LUZP2: variants seen among roughly 807,000 people sequenced by gnomAD.
LUZP2 encodes leucine zipper protein 2.
A neutral mutation model predicts 51.6 loss-of-function variants in LUZP2; 52 were observed. That is an observed-to-expected ratio of 1.01 (90% CI 0.81 to 1.27). The LOEUF is 1.27. Ranked by LOEUF, LUZP2 falls within the 50% of genes most tolerant of loss-of-function variation. LUZP2 has a pLI of 0.00. For synonymous variants in LUZP2, 154 were observed against 137.3 expected, an observed-to-expected ratio of 1.12 and a Z score of -0.85; for missense variants, 436 against 395.4, an observed-to-expected ratio of 1.10 and a Z score of -0.87.
chr11:24,889,597 T>C lies in LUZP2; in HGVS notation c.397-16394T>C, dbSNP rs528227531. On this transcript the variant is annotated intron_variant, in intron 5 of 11. Coordinates refer to ENST00000336930, the MANE Select transcript of LUZP2 (RefSeq NM_001009909.4). ...TTTTCAGTGTCCTGTGCCACCATGT[T>C]TTTGAAGCATATACCATCTGAGAAG... Among the ~76,000 whole-genome samples the C allele has an allele frequency of 9.8e-5, 15 of 152,326 alleles. No individual in the cohort carries two copies. The East Asian group carries it at 2.7e-3, about 27-fold the overall frequency.
intron 5 of LUZP2, among the ~76,000 whole-genome samples, chr11:24,838,982 A>G (rs535591085): frequency 6.6e-6 from 1 of 151,776 alleles, no homozygotes; most frequent in South Asian, 2.1e-4. Context: ...AACTGTTAGC[A>G]TTCACATTCT....
intron 5 of LUZP2, among the ~76,000 whole-genome samples, chr11:24,767,470 T>G (rs1860235775): frequency 1.3e-5 from 2 of 152,210 alleles, no homozygotes; most frequent in African/African-American, 4.8e-5. Flanking sequence ...AAAATATTTG[T>G]TTGGTTACAG....
chr11:24,977,199 T>A (rs1481163009), intron 8 of LUZP2, among the ~76,000 whole-genome samples: 2 of 151,670 alleles, frequency 1.3e-5, no homozygotes, highest in South Asian at 2.1e-4. Context: ...CACCTATTTT[T>A]AAATATTTTC....
chr11:24,778,701 C>T (rs565769351), intron 5 of LUZP2, among the ~76,000 whole-genome samples: 20 of 152,056 alleles, frequency 1.3e-4, no homozygotes, highest in African/African-American at 4.6e-4. Context: ...GAGAAAAGAA[C>T]CTTGAGAATG....
intron 5 of LUZP2, among the ~76,000 whole-genome samples, chr11:24,807,761 G>T (rs1391390315): frequency 1.3e-5 from 2 of 152,062 alleles, no homozygotes; most frequent in African/African-American, 4.8e-5. Flanking sequence ...AGGGTCTTAT[G>T]ACCTACTTTT....
At chr11:24,990,158 G>T (rs777065173) in intron 9 of LUZP2, among the ~76,000 whole-genome samples, 27 of 151,840 alleles carry the variant, frequency 1.8e-4, no homozygotes, top group Non-Finnish European at 3.2e-4. Flanking sequence ...AAACCTAAAT[G>T]AATGCACTCA....
intron 5 of LUZP2, among the ~76,000 whole-genome samples, chr11:24,863,331 C>G (rs1368555652): frequency 1.3e-5 from 2 of 151,870 alleles, no homozygotes; most frequent in East Asian, 3.9e-4. Context: ...AATAGGCAAG[C>G]AAAATGTTGT....
chr11:24,706,876 C>G (rs1735354114), intron 1 of LUZP2, among the ~76,000 whole-genome samples: 1 of 151,900 alleles, frequency 6.6e-6, no homozygotes, highest in Non-Finnish European at 1.5e-5. Flanking sequence ...GGGAACCTCT[C>G]TCTTCTCCTT....
intron 10 of LUZP2, among the ~76,000 whole-genome samples, chr11:25,052,668 C>G (rs560953360): frequency 6.6e-6 from 1 of 152,218 alleles, no homozygotes; most frequent in East Asian, 1.9e-4. Context: ...GTAGCAGTAT[C>G]AAAATACTGA....
At chr11:24,951,856 C>A (rs1285109131) in intron 7 of LUZP2, among the ~76,000 whole-genome samples, 1 of 151,634 alleles carries the variant, frequency 6.6e-6, no homozygotes, top group Non-Finnish European at 1.5e-5. Context: ...ATTCTATTTA[C>A]AATGGGAAAT....
intron 5 of LUZP2, among the ~76,000 whole-genome samples, chr11:24,801,217 G>A (rs1247299788): frequency 6.6e-6 from 1 of 151,988 alleles, no homozygotes; most frequent in Non-Finnish European, 1.5e-5. Context: ...TCTCAGCAGG[G>A]GTAAATTTTA....
At chr11:24,560,532 C>A (rs1184178195) in intron 1 of LUZP2, among the ~76,000 whole-genome samples, 1 of 152,028 alleles carries the variant, frequency 6.6e-6, no homozygotes. Flanking sequence ...ACAAGAAAAA[C>A]AGGCAGCACG....
At chr11:24,929,318 A>G (rs1565123931) in intron 7 of LUZP2, among the ~76,000 whole-genome samples, 1 of 151,846 alleles carries the variant, frequency 6.6e-6, no homozygotes, top group East Asian at 1.9e-4. Flanking sequence ...TAGATTGTCT[A>G]TTTGTGCTTT....
intron 5 of LUZP2, among the ~76,000 whole-genome samples, chr11:24,769,169 G>A (rs921210642): frequency 2.0e-5 from 3 of 151,886 alleles, no homozygotes; most frequent in African/African-American, 7.3e-5. Context: ...TCACTCATAT[G>A]AGAAATCTAC....
chr11:24,973,389 C>T (rs1439691604), intron 7 of LUZP2, among the ~76,000 whole-genome samples: 2 of 67,772 alleles, frequency 3.0e-5, no homozygotes, highest in African/African-American at 7.7e-5. Flanking sequence ...TTCAAAAAAA[C>T]AGCTCCTGGG....
intron 1 of LUZP2, among the ~76,000 whole-genome samples, chr11:24,609,376 T>C (rs1380632281): frequency 6.6e-6 from 1 of 152,032 alleles, no homozygotes; most frequent in Non-Finnish European, 1.5e-5. Context: ...CTGCTTTCAT[T>C]TGAAATAGTG....
chr11:24,786,457 T>C, intron 5 of LUZP2: 1 of 982,120 alleles, frequency 1.0e-6, no homozygotes, highest in Non-Finnish European at 1.2e-6. Context: ...TGCGTAAATA[T>C]CATATTAACG....
intron 5 of LUZP2, among the ~76,000 whole-genome samples, chr11:24,812,333 T>C (rs975736991): frequency 3.9e-5 from 6 of 152,152 alleles, no homozygotes; most frequent in South Asian, 2.1e-4. Flanking sequence ...AATTAAGAGA[T>C]ACATGGGCCT....
At chr11:24,995,677 T>C (rs1239975413) in intron 9 of LUZP2, among the ~76,000 whole-genome samples, 1 of 152,098 alleles carries the variant, frequency 6.6e-6, no homozygotes, top group Non-Finnish European at 1.5e-5. Flanking sequence ...GATAATAAAT[T>C]ATGTGATTAT....
Sources: gnomAD v4.1 joint callset for allele counts (sites outside exome capture counted in the v4.1 genomes callset) on GRCh38, gnomAD v4.1.1 for gene constraint, MANE v1.5 for transcripts, NCBI Gene and HGNC (gene_info 2026-07-23, HGNC 2026-07-21) for gene names.